Variants in PRKCB observed in about 807,000 individuals in gnomAD.
PRKCB encodes protein kinase C beta.
A neutral mutation model predicts 81.5 loss-of-function variants in PRKCB; 13 were observed. The observed-to-expected ratio is 0.16, with a 90% CI of 0.10 to 0.25. The LOEUF (loss-of-function observed/expected upper bound fraction) is 0.25. Among genes scored for constraint, PRKCB ranks in the 10% least tolerant of loss-of-function variants. The pLI, the probability that PRKCB is intolerant of heterozygous loss-of-function variation, is 1.00. For missense variants in PRKCB, 509 were observed against 875.7 expected, an observed-to-expected ratio of 0.58 and a Z score of 5.29; for synonymous variants, 335 against 321.4, an observed-to-expected ratio of 1.04 and a Z score of -0.45.
chr16:23,903,132 A>G (rs1485411473), intron 2 of PRKCB, among the ~76,000 whole-genome samples: 1 of 151,116 alleles, frequency 6.6e-6, no homozygotes, highest in Non-Finnish European at 1.5e-5. Context: ...CGCCCAGCCT[A>G]CTTATGTTAT....
At chr16:24,164,779 A>G (rs1180844560) in intron 10 of PRKCB, among the ~76,000 whole-genome samples, 1 of 152,238 alleles carries the variant, frequency 6.6e-6, no homozygotes, top group Non-Finnish European at 1.5e-5. Flanking sequence ...GTCGATACGC[A>G]AGAAATACTT....
intron 7 of PRKCB, among the ~76,000 whole-genome samples, chr16:24,094,856 G>GGAAGGAAGGAAAT (rs1555496392): frequency 9.9e-4 from 139 of 141,084 alleles, no homozygotes; most frequent in Middle Eastern, 3.8e-3. Flanking sequence ...AGGAAGGAAA[G>GGAAGGAAGGAAAT]GAAGAAAAAG....
intron 2 of PRKCB, among the ~76,000 whole-genome samples, chr16:23,954,052 A>G (rs1964318603): frequency 6.6e-6 from 1 of 151,548 alleles, no homozygotes. Context: ...TTTAAATTTT[A>G]TTATTATTAT....
At chr16:24,056,064 A>C (rs1965899707) in intron 5 of PRKCB, among the ~76,000 whole-genome samples, 1 of 152,228 alleles carries the variant, frequency 6.6e-6, no homozygotes, top group South Asian at 2.1e-4. Context: ...CCAGCCCCTT[A>C]ACCACTTTGC....
intron 3 of PRKCB, among the ~76,000 whole-genome samples, chr16:24,002,760 G>GC (rs1965056157): frequency 6.6e-6 from 1 of 152,176 alleles, no homozygotes; most frequent in African/African-American, 2.4e-5. Flanking sequence ...TGGCCAAGGA[G>GC]CATGCGGGGA....
intron 2 of PRKCB, among the ~76,000 whole-genome samples, chr16:23,980,028 T>C (rs146767659): frequency 1.0e-3 from 157 of 152,328 alleles, no homozygotes; most frequent in African/African-American, 3.2e-3. Flanking sequence ...GCGGCTACAG[T>C]GAGCTGTGAT....
At chr16:23,863,320 T>A (rs888880960) in intron 2 of PRKCB, among the ~76,000 whole-genome samples, 1 of 151,176 alleles carries the variant, frequency 6.6e-6, no homozygotes, top group African/African-American at 2.4e-5. Context: ...GCTCCTTCTC[T>A]TACTTTTAGG....
At chr16:24,087,353 G>A (rs1263493863) in intron 5 of PRKCB, among the ~76,000 whole-genome samples, 3 of 152,284 alleles carry the variant, frequency 2.0e-5, no homozygotes, top group African/African-American at 7.2e-5. Context: ...ATAACCCAAT[G>A]TTATCGGCAT....
intron 5 of PRKCB, among the ~76,000 whole-genome samples, chr16:24,061,682 T>C (rs1404738475): frequency 2.0e-5 from 3 of 152,154 alleles, no homozygotes; most frequent in Non-Finnish European, 4.4e-5. Context: ...GCTTTCATTA[T>C]TGAGAGAGTA....
At chr16:24,083,867 T>C (rs1003004707) in intron 5 of PRKCB, among the ~76,000 whole-genome samples, 1 of 152,090 alleles carries the variant, frequency 6.6e-6, no homozygotes, top group East Asian at 1.9e-4. Context: ...ATAAATGTTA[T>C]AGGCAGAAAA....
chr16:24,137,841 T>C (rs1334794166), intron 9 of PRKCB, among the ~76,000 whole-genome samples: 1 of 152,200 alleles, frequency 6.6e-6, no homozygotes, highest in Non-Finnish European at 1.5e-5. Flanking sequence ...GATGTACAAA[T>C]GTGGATGGTA....
intron 3 of PRKCB, 118 bp downstream of exon 3, chr16:23,988,708 T>A: frequency 1.0e-6 from 1 of 954,318 alleles, no homozygotes; most frequent in Non-Finnish European, 1.6e-6. Flanking sequence ...AGGCATGTGG[T>A]GGTCCCTATA....
chr16:24,173,732 C>A (rs1311530578), intron 11 of PRKCB, among the ~76,000 whole-genome samples: 3 of 152,186 alleles, frequency 2.0e-5, no homozygotes, highest in Non-Finnish European at 2.9e-5. Context: ...TCTGTGCTGA[C>A]CTTCAATAAG....
chr16:23,921,686 A>G (rs758909078), intron 2 of PRKCB, among the ~76,000 whole-genome samples: 6 of 152,158 alleles, frequency 3.9e-5, no homozygotes, highest in African/African-American at 7.2e-5. Flanking sequence ...CTGTCATCCC[A>G]GCTACTTGGG....
chr16:24,115,389 AT>A (rs1363117110), intron 8 of PRKCB, among the ~76,000 whole-genome samples: 1 of 110,898 alleles, frequency 9.0e-6, no homozygotes, highest in Non-Finnish European at 2.4e-5. Context: ...TCCCAAGAAT[AT>A]TTATCCCAAG....
intron 2 of PRKCB, among the ~76,000 whole-genome samples, chr16:23,955,170 C>T (rs1180648329): frequency 6.6e-6 from 1 of 151,714 alleles, no homozygotes; most frequent in East Asian, 1.9e-4. Context: ...TGTAGTGAGC[C>T]AAGATGGCAC....
At chr16:23,849,747 A>G (rs1329399985) in intron 2 of PRKCB, among the ~76,000 whole-genome samples, 1 of 152,182 alleles carries the variant, frequency 6.6e-6, no homozygotes, top group Non-Finnish European at 1.5e-5. Flanking sequence ...ATGGGGTACA[A>G]TGTGATGTTT....
chr16:23,993,250 A>G (rs1052674517), intron 3 of PRKCB, among the ~76,000 whole-genome samples: 1 of 152,240 alleles, frequency 6.6e-6, no homozygotes, highest in Non-Finnish European at 1.5e-5. Flanking sequence ...TAATGGTGGA[A>G]GTAACATGAA....
At chr16:23,993,425 C>T (rs140662081) in intron 3 of PRKCB, among the ~76,000 whole-genome samples, 48 of 152,242 alleles carry the variant, frequency 3.2e-4, no homozygotes, top group African/African-American at 1.0e-3. Flanking sequence ...CTGACCTCCC[C>T]TGGTTTAATG....
Sources: gnomAD v4.1 joint callset for allele counts (sites outside exome capture counted in the v4.1 genomes callset) on GRCh38, gnomAD v4.1.1 for gene constraint, MANE v1.5 for transcripts, NCBI Gene and HGNC (gene_info 2026-07-23, HGNC 2026-07-21) for gene names.